GALNT1: variants seen among roughly 807,000 people sequenced by gnomAD.
GALNT1 encodes GalNAc transferase 1.
Under a neutral mutation model 65.7 loss-of-function variants are expected in GALNT1, and 17 were observed. That is an observed-to-expected ratio of 0.26 (90% CI 0.18 to 0.39). The LOEUF is 0.39. GALNT1 is among the 10% of genes least tolerant of loss of function. The pLI, the probability that GALNT1 is intolerant of heterozygous loss-of-function variation, is 1.00. For synonymous variants in GALNT1, 210 were observed against 219.7 expected, an observed-to-expected ratio of 0.96 and a Z score of 0.39; for missense variants, 460 against 672.8, an observed-to-expected ratio of 0.68 and a Z score of 3.50.
intron 3 of GALNT1, among the ~76,000 whole-genome samples, chr18:35,668,524 G>A (rs1012798200): frequency 2.0e-5 from 3 of 152,176 alleles, no homozygotes; most frequent in African/African-American, 4.8e-5. Flanking sequence ...TCTTGCAGAC[G>A]TTTGAAAGAT....
At chr18:35,667,054 A>G (rs944133471) in intron 3 of GALNT1, among the ~76,000 whole-genome samples, 7 of 152,216 alleles carry the variant, frequency 4.6e-5, no homozygotes, top group Non-Finnish European at 8.8e-5. Context: ...AGCTTCAACA[A>G]TTCCTAACAG....
chr18:35,628,382 A>G (rs540108228), intron 1 of GALNT1, among the ~76,000 whole-genome samples: 10 of 152,304 alleles, frequency 6.6e-5, no homozygotes, highest in African/African-American at 2.2e-4. Flanking sequence ...CCAGAGGAAC[A>G]ATCAGGCAGC....
intron 11 of GALNT1, among the ~76,000 whole-genome samples, chr18:35,704,277 T>TAAA (rs199524772): frequency 0.082 from 12,421 of 152,192 alleles, 565 homozygotes; most frequent in African/African-American, 0.12. Context: ...TTGGCTTAAC[T>TAAA]TCTGTAAGGC....
chr18:35,584,277 T>C (rs1444019506), intron 1 of GALNT1, among the ~76,000 whole-genome samples: 2 of 152,232 alleles, frequency 1.3e-5, no homozygotes, highest in Non-Finnish European at 2.9e-5. Flanking sequence ...CATGCTTATG[T>C]AACATACAAC....
chr18:35,679,468 TTC>T (rs2047757346), intron 4 of GALNT1, among the ~76,000 whole-genome samples: 1 of 152,148 alleles, frequency 6.6e-6, no homozygotes, highest in Non-Finnish European at 1.5e-5. Context: ...CCTATAGCAG[TTC>T]TCTCTTTCCT....
Position 35,598,713 on chromosome 18 carries a change from A to G in GALNT1, c.-104+16851A>G, listed in dbSNP as rs147314208. ...ACATGGGAGTGTCTATATCTCTTCAATATACTGATTTCCTTTCTTTTGGAT... is the reference window on the plus strand; with the variant it reads ...ACATGGGAGTGTCTATATCTCTTCAGTATACTGATTTCCTTTCTTTTGGAT... On this transcript the variant is annotated intron_variant, in intron 1 of 11. Transcript: ENST00000269195. Among the ~76,000 whole-genome samples, 437 of 152,258 alleles carry G rather than the reference A, an allele frequency of 2.9e-3. 1 individual carries two copies. Among genetic ancestry groups the G allele is most frequent in the African/African-American group, 9.7e-3 (405 of 41,544 alleles).
intron 1 of GALNT1, among the ~76,000 whole-genome samples, chr18:35,641,712 C>T (rs1034430034): frequency 1.3e-5 from 2 of 152,066 alleles, no homozygotes; most frequent in Non-Finnish European, 2.9e-5. Context: ...ATAACACATC[C>T]ACCACGTGCA....
chr18:35,584,623 G>GT (rs2046359438), intron 1 of GALNT1, among the ~76,000 whole-genome samples: 1 of 152,206 alleles, frequency 6.6e-6, no homozygotes, highest in Admixed American at 6.5e-5. Flanking sequence ...CCAGGGACCA[G>GT]TTTTGTGGAA....
At chr18:35,682,009 T>C (rs2047794096) in intron 4 of GALNT1, among the ~76,000 whole-genome samples, 1 of 152,156 alleles carries the variant, frequency 6.6e-6, no homozygotes, top group African/African-American at 2.4e-5. Flanking sequence ...GTTAGCATTA[T>C]GCTAAACAGA....
At chr18:35,689,830 G>A (rs12709679) in intron 7 of GALNT1, among the ~76,000 whole-genome samples, 29,547 of 152,086 alleles carry the variant, frequency 0.19, 3,097 homozygotes, top group African/African-American at 0.26. Flanking sequence ...TCAACATATC[G>A]TTTAAATGGC....
chr18:35,664,789 T>G (rs2047523252), intron 3 of GALNT1, among the ~76,000 whole-genome samples: 1 of 152,216 alleles, frequency 6.6e-6, no homozygotes, highest in Non-Finnish European at 1.5e-5. Context: ...ATGTACATTC[T>G]GTGCTGAGGC....
At chr18:35,586,561 G>A (rs113431706) in intron 1 of GALNT1, among the ~76,000 whole-genome samples, 1 of 151,812 alleles carries the variant, frequency 6.6e-6, no homozygotes, top group Admixed American at 6.6e-5. Flanking sequence ...TAGTTTTGTG[G>A]TTTTTACATG....
rs149393797 is a variant in GALNT1, at chr18:35,622,854, G to A, written c.-103-31706G>A. Among the ~76,000 whole-genome samples the A allele has an allele frequency of 6.4e-3, 972 of 151,898 alleles. 19 individuals carry two copies. Among genetic ancestry groups the A allele is most frequent in the African/African-American group, 0.022 (922 of 41,424 alleles). On this transcript the variant is annotated intron_variant, in intron 1 of 11. Transcript: ENST00000269195. ...GTTGTTTTTTTAACTGTAGATTTAG[G>A]GCAGATATCTTTTGTTAGGTTAACC...
chr18:35,613,361 T>TA (rs1281536521), intron 1 of GALNT1, among the ~76,000 whole-genome samples: 3 of 151,870 alleles, frequency 2.0e-5, no homozygotes, highest in African/African-American at 7.2e-5. Flanking sequence ...GAGTAGAGGT[T>TA]AAAAAAAAGG....
intron 4 of GALNT1, among the ~76,000 whole-genome samples, chr18:35,680,680 T>C (rs2047773968): frequency 6.6e-6 from 1 of 152,222 alleles, no homozygotes; most frequent in African/African-American, 2.4e-5. Flanking sequence ...TGAGTAACTC[T>C]ATTTATTAAA....
At chr18:35,595,732 G>A (rs149826794) in intron 1 of GALNT1, among the ~76,000 whole-genome samples, 40 of 152,086 alleles carry the variant, frequency 2.6e-4, no homozygotes, top group African/African-American at 9.4e-4. Context: ...AAAATAACAT[G>A]TTTACATAGT....
intron 3 of GALNT1, among the ~76,000 whole-genome samples, chr18:35,672,744 C>G (rs1293532046): frequency 6.6e-6 from 1 of 151,604 alleles, no homozygotes. Context: ...AAGTGTAAGA[C>G]AGATTCCAAA....
At chr18:35,615,600 G>C (rs1320135170) in intron 1 of GALNT1, among the ~76,000 whole-genome samples, 1 of 152,146 alleles carries the variant, frequency 6.6e-6, no homozygotes, top group Admixed American at 6.6e-5. Flanking sequence ...TGCATGGAAA[G>C]GAGAGTGTAA....
chr18:35,584,589 T>A (rs1290986905), intron 1 of GALNT1, among the ~76,000 whole-genome samples: 1 of 152,188 alleles, frequency 6.6e-6, no homozygotes, highest in Admixed American at 6.5e-5. Flanking sequence ...ATTTATTGAC[T>A]CAGCAGTCCC....
Sources: gnomAD v4.1 joint callset for allele counts (sites outside exome capture counted in the v4.1 genomes callset) on GRCh38, gnomAD v4.1.1 for gene constraint, MANE v1.5 for transcripts, NCBI Gene and HGNC (gene_info 2026-07-23, HGNC 2026-07-21) for gene names.